Variants in MEI1 observed in about 807,000 individuals in gnomAD.
The protein encoded by MEI1 is meiosis inhibitor protein 1.
MEI1 carries 103 observed loss-of-function variants against 146.2 expected under a neutral mutation model. The ratio of observed to expected loss-of-function variants is 0.70; its 90% CI spans 0.60 to 0.83. The LOEUF is 0.83. MEI1 is among the 40% of genes least tolerant of loss of function. The pLI is 0.00. For synonymous variants in MEI1, 652 were observed against 628.2 expected (o/e 1.04, Z -0.57); for missense variants, 1,529 against 1,533.0 (o/e 1.00, Z 0.04).
chr22:41,703,719 C>G (rs117795073), intron 2 of MEI1, among the ~76,000 whole-genome samples: 2,479 of 152,268 alleles, frequency 0.016, 49 homozygotes, highest in Admixed American at 0.059. Flanking sequence ...CGTGGTGGCT[C>G]ATGCCTGTAG....
Position 41,784,417 on chromosome 22 carries a change from T to G in MEI1, c.3166T>G (p.Ser1056Ala). 6.2e-7 allele frequency: 1 copy of G among 1,613,918 alleles called. No individual in the cohort carries two copies. The highest frequency in any genetic ancestry group is 1.3e-5 in the African/African-American group (1 of 75,034). Reference sequence around the variant, plus strand: ...TCCAAAGAAAAAGGCTGCACTACTCTCAGGTATGGGTCCACAAGTCTCCAG... The same window carrying G: ...TCCAAAGAAAAAGGCTGCACTACTCGCAGGTATGGGTCCACAAGTCTCCAG... ...SFPKKKAALL[S>A]AAILCFLRTA... is the part of the protein sequence containing the mutation. The change falls in exon 25 of 31, where the codon TCA becomes GCA. Residue 1056 changes from serine (S) to alanine (A), a missense_variant. This residue lies in a region of MEI1 where 313 missense variants were observed against 337.3 expected (regional missense o/e 0.93). Transcript: ENST00000401548.
chr22:41,794,952 C>T (rs1006574935), intron 28 of MEI1, among the ~76,000 whole-genome samples: 4 of 152,208 alleles, frequency 2.6e-5, no homozygotes, highest in Non-Finnish European at 5.9e-5. Context: ...TCAACAAGTA[C>T]ATCAGTGGTT....
rs778605109 is a variant in MEI1, at chr22:41,718,175, G to T, written c.634G>T (p.Ala212Ser). The change falls in exon 6 of 31, where the codon GCT (alanine) becomes TCT (serine). Residue 212 changes from alanine (A) to serine (S), a missense_variant. By Grantham distance (99) the Ala-to-Ser change is moderately conservative. Coordinates refer to ENST00000401548, the MANE Select transcript of MEI1 (RefSeq NM_152513.4). Reference sequence around the variant, plus strand: ...GAAGCTATACTCCTCACCAGTGGCAGCTGAGATGCTTTCAGGACACTTCCG... The same window carrying T: ...GAAGCTATACTCCTCACCAGTGGCATCTGAGATGCTTTCAGGACACTTCCG... ...YGKLYSSPVA[A>S]EMLSGHFREK... The T allele has an allele frequency of 1.2e-6, 2 of 1,613,864 alleles. No homozygotes were observed. The highest frequency in any genetic ancestry group is 1.3e-5 in the African/African-American group (1 of 74,930).
chr22:41,714,141 T>A, intron 4 of MEI1, 66 bp downstream of exon 4: 2 of 1,437,276 alleles, frequency 1.4e-6, no homozygotes, highest in Non-Finnish European at 1.9e-6. Flanking sequence ...GGGTCAACCC[T>A]TTGAACAAAT....
intron 16 of MEI1, chr22:41,753,566 G>A (rs115554035): frequency 0.017 from 2,730 of 157,602 alleles, 25 homozygotes; most frequent in Non-Finnish European, 0.022. Flanking sequence ...GGTTTCCTCC[G>A]CCTTCTGAGT....
At chr22:41,766,326 C>T (rs2074852545) in intron 19 of MEI1, among the ~76,000 whole-genome samples, 1 of 151,920 alleles carries the variant, frequency 6.6e-6, no homozygotes, top group African/African-American at 2.4e-5. Flanking sequence ...TGCGTGCCAC[C>T]ATGCCTGGCT....
intron 26 of MEI1, among the ~76,000 whole-genome samples, chr22:41,792,060 T>C (rs1166986330): frequency 6.6e-6 from 1 of 152,228 alleles, no homozygotes; most frequent in Non-Finnish European, 1.5e-5. Flanking sequence ...TTGAATTACA[T>C]TGCTGTGCAA....
At chr22:41,777,127 C>G (rs1362009161) in intron 21 of MEI1, among the ~76,000 whole-genome samples, 2 of 142,678 alleles carry the variant, frequency 1.4e-5, no homozygotes, top group African/African-American at 5.2e-5. Flanking sequence ...TAGTTTTTTT[C>G]TATTTTTAGA....
intron 20 of MEI1, among the ~76,000 whole-genome samples, chr22:41,771,442 C>CT (rs958666238): frequency 1.3e-5 from 2 of 151,972 alleles, no homozygotes; most frequent in African/African-American, 4.8e-5. Context: ...TGCCCCAGTA[C>CT]TTTTTTTTCT....
intron 19 of MEI1, among the ~76,000 whole-genome samples, chr22:41,766,313 AG>A (rs1429223604): frequency 6.6e-6 from 1 of 152,004 alleles, no homozygotes; most frequent in African/African-American, 2.4e-5. Flanking sequence ...CTGGGATTAC[AG>A]GTGCGTGCCA....
At chr22:41,719,247 C>T (rs1431656768) in intron 6 of MEI1, among the ~76,000 whole-genome samples, 1 of 152,154 alleles carries the variant, frequency 6.6e-6, no homozygotes, top group East Asian at 1.9e-4. Flanking sequence ...TCCCAAAGTG[C>T]TGGGATTACA....
chr22:41,754,624 G>T (rs536776015), intron 17 of MEI1, among the ~76,000 whole-genome samples: 15 of 152,018 alleles, frequency 9.9e-5, no homozygotes, highest in African/African-American at 3.1e-4. Context: ...AGTAGAGACG[G>T]GCCTTCACCA....
chr22:41,736,558 A>AT (rs1255650422), intron 11 of MEI1, among the ~76,000 whole-genome samples: 4 of 151,292 alleles, frequency 2.6e-5, no homozygotes, highest in Admixed American at 1.3e-4. Context: ...TGGCCAAAAA[A>AT]TTTTTTTTTA....
intron 5 of MEI1, among the ~76,000 whole-genome samples, chr22:41,717,685 G>A (rs530412670): frequency 1.3e-5 from 2 of 148,538 alleles, no homozygotes; most frequent in East Asian, 3.9e-4. Flanking sequence ...GCATGATCTC[G>A]GCTCACTGCA....
At chr22:41,741,658 T>G (rs1183161331) in intron 11 of MEI1, among the ~76,000 whole-genome samples, 1 of 152,244 alleles carries the variant, frequency 6.6e-6, no homozygotes, top group African/African-American at 2.4e-5. Flanking sequence ...TCCCCAATAC[T>G]TCTATAGACT....
At chr22:41,709,848 A>G (rs778098260) in intron 3 of MEI1, among the ~76,000 whole-genome samples, 2 of 152,044 alleles carry the variant, frequency 1.3e-5, no homozygotes, top group Admixed American at 6.6e-5. Context: ...GATAGTCACA[A>G]CTTCTAATTC....
intron 7 of MEI1, among the ~76,000 whole-genome samples, chr22:41,724,466 A>G (rs970462751): frequency 1.3e-5 from 2 of 151,996 alleles, no homozygotes; most frequent in African/African-American, 2.4e-5. Context: ...AAAAATACAA[A>G]CATTAGCTGG....
chr22:41,778,631 T>TC, intron 21 of MEI1, 77 bp from the exon 22 acceptor site: 1 of 1,147,308 alleles, frequency 8.7e-7, no homozygotes, highest in Non-Finnish European at 1.3e-6. Flanking sequence ...TAAGGGCCAT[T>TC]GAAGCAGGGC....
At chr22:41,737,134 G>A (rs911396225) in intron 11 of MEI1, among the ~76,000 whole-genome samples, 9 of 152,080 alleles carry the variant, frequency 5.9e-5, no homozygotes, top group Admixed American at 2.0e-4. Flanking sequence ...AAATCATTGT[G>A]TGACTGCGTT....
Sources: gnomAD v4.1 joint callset for allele counts (sites outside exome capture counted in the v4.1 genomes callset) on GRCh38, gnomAD v4.1.1 for gene constraint, gnomAD v4.1.1 regional missense constraint, MANE v1.5 for transcripts, NCBI Gene and HGNC (gene_info 2026-07-23, HGNC 2026-07-21) for gene names.